The following ZNF667 variants were observed in gnomAD, a reference collection of about 807,000 sequenced individuals.
The protein encoded by ZNF667 is zinc finger protein 667, also known as myocardial ischemic preconditioning upregulated 1 ortholog.
A neutral mutation model predicts 31.8 loss-of-function variants in ZNF667; 13 were observed. The ratio of observed to expected loss-of-function variants is 0.41; its 90% CI spans 0.27 to 0.65. The LOEUF (loss-of-function observed/expected upper bound fraction) is 0.65. Among genes scored for constraint, ZNF667 ranks in the 30% least tolerant of loss-of-function variants. The pLI is 0.32. For synonymous variants in ZNF667, 228 were observed against 247.1 expected, an observed-to-expected ratio of 0.92 and a Z score of 0.73; for missense variants, 642 against 725.6, an observed-to-expected ratio of 0.88 and a Z score of 1.32.
chr19:56,463,474 T>C (rs2043094348), intron 3 of ZNF667, among the ~76,000 whole-genome samples: 1 of 152,166 alleles, frequency 6.6e-6, no homozygotes, highest in Non-Finnish European at 1.5e-5. Flanking sequence ...ACTAGCCACA[T>C]ATGAAAACTG....
intron 3 of ZNF667, chr19:56,469,871 T>C (rs749548231): frequency 2.2e-6 from 1 of 462,708 alleles, no homozygotes; most frequent in South Asian, 1.5e-5. Flanking sequence ...GTAATAAATA[T>C]TAACTTTCTT....
chr19:56,460,606 G>T, intron 5 of ZNF667, 83 bp downstream of exon 5: 2 of 1,444,672 alleles, frequency 1.4e-6, no homozygotes, highest in Non-Finnish European at 9.2e-7. Context: ...AACTGCAGTG[G>T]CTTCCATTTT....
rs760238465 is a variant in ZNF667, at chr19:56,458,253, C to T, written c.161-6G>A. ...TGGTCTCCGAAAGGAAAGACCTGTA[C>T]GTGGGACAAACATGGGAAATGATCA... On this transcript the variant is annotated splice_region_variant and splice_polypyrimidine_tract_variant and intron_variant, in intron 5 of 6. Coordinates refer to ENST00000504904, the MANE Select transcript of ZNF667 (RefSeq NM_001321356.2). 5.6e-6 allele frequency: 9 copies of T among 1,613,200 alleles called. No individual in the cohort carries two copies. The highest frequency in any genetic ancestry group is 2.2e-5 in the East Asian group (1 of 44,866).
At chr19:56,472,971 A>T (rs539431671) in intron 2 of ZNF667, 13 of 152,334 alleles carry the variant, frequency 8.5e-5, no homozygotes, top group African/African-American at 3.1e-4. Context: ...GGAGGAGATA[A>T]ATTGGTGTAA....
intron 5 of ZNF667, among the ~76,000 whole-genome samples, chr19:56,460,325 T>C (rs1049099104): frequency 2.0e-4 from 30 of 152,302 alleles, no homozygotes; most frequent in Middle Eastern, 6.8e-3. Context: ...TATGATTTCA[T>C]ATGTATGAAA....
At chr19:56,450,623 G>A (rs1171413793) in intron 6 of ZNF667, among the ~76,000 whole-genome samples, 1 of 152,030 alleles carries the variant, frequency 6.6e-6, no homozygotes, top group Non-Finnish European at 1.5e-5. Flanking sequence ...TCTTAAGTAG[G>A]AAGACTAAAA....
rs1201822662 is a variant in ZNF667 at position 56,452,761 on chromosome 19, AATACAAAAATTAGCC to A, written c.253+5379_253+5393del. Among the ~76,000 whole-genome samples the A allele has an allele frequency of 2.6e-5, 4 of 152,066 alleles. No individual in the cohort carries two copies. In the South Asian group the frequency reaches 8.3e-4, roughly 31 times the overall value. ...ATGGTGAAACCCCATCTCTACTAAAAATACAAAAATTAGCCAGGCGTGGTGGCGGACGCTTGTAAT... is the reference window on the plus strand; with the variant it reads ...ATGGTGAAACCCCATCTCTACTAAAAAGGCGTGGTGGCGGACGCTTGTAAT... On this transcript the variant is annotated intron_variant, in intron 6 of 6. Transcript: ENST00000504904.
At chr19:56,446,990 C>T (rs1246160392) in intron 6 of ZNF667, among the ~76,000 whole-genome samples, 1 of 152,106 alleles carries the variant, frequency 6.6e-6, no homozygotes, top group Non-Finnish European at 1.5e-5. Flanking sequence ...CCTTAAACCA[C>T]ACCAGACACC....
intron 6 of ZNF667, among the ~76,000 whole-genome samples, chr19:56,447,600 C>A (rs953930305): frequency 2.0e-5 from 3 of 151,748 alleles, no homozygotes; most frequent in South Asian, 2.1e-4. Flanking sequence ...TAAAAAAAAA[C>A]AAACAAACAT....
At position 56,441,533 on chromosome 19, in the gene ZNF667, G is replaced by A. The variant is rs897189843; in HGVS notation, c.1462C>T (p.Arg488Ter). 6.8e-6 allele frequency: 11 copies of A among 1,614,146 alleles called. No homozygotes were observed. Among genetic ancestry groups the A allele is most frequent in the Middle Eastern group, 1.6e-4 (1 of 6,062 alleles). ...KAFSHRISLT[R>*]HKRIHTEDRP... is the part of the protein sequence containing the mutation. Reference sequence around the variant, plus strand: ...TCTTCAGTATGAATTCTCTTATGTCGTGTGAGAGATATTCGGTGGCTGAAG... The same window carrying A: ...TCTTCAGTATGAATTCTCTTATGTCATGTGAGAGATATTCGGTGGCTGAAG... Residue 488 changes from arginine to a stop codon, truncating the protein, a stop_gained, in exon 7 of 7, where the codon CGA becomes TGA. Transcript: ENST00000504904. LOFTEE classifies it high-confidence loss of function. This position sits in a 1 kb window ranked among gnomAD's most constrained non-coding sequence, Gnocchi z 4.2.
At chr19:56,451,780 T>C (rs941325233) in intron 6 of ZNF667, among the ~76,000 whole-genome samples, 1 of 148,050 alleles carries the variant, frequency 6.8e-6, no homozygotes, top group African/African-American at 2.5e-5. Flanking sequence ...AAGGTGGGAA[T>C]ATTGCTTGAG....
intron 3 of ZNF667, among the ~76,000 whole-genome samples, chr19:56,467,409 T>C (rs1246117373): frequency 2.0e-5 from 3 of 152,226 alleles, no homozygotes; most frequent in African/African-American, 7.2e-5. Flanking sequence ...ATTTTTCCTC[T>C]GCTGTCACAC....
chr19:56,464,019 A>G (rs2043107432), intron 3 of ZNF667, among the ~76,000 whole-genome samples: 1 of 152,196 alleles, frequency 6.6e-6, no homozygotes. Context: ...AGGTTTTAGG[A>G]AATTAAGTAC....
At chr19:56,448,539 C>G (rs1405710124) in intron 6 of ZNF667, among the ~76,000 whole-genome samples, 1 of 152,084 alleles carries the variant, frequency 6.6e-6, no homozygotes, top group Non-Finnish European at 1.5e-5. Flanking sequence ...TTTGTATCAA[C>G]TCTCTCCCAA....
chr19:56,457,302 C>CA, intron 6 of ZNF667, among the ~76,000 whole-genome samples: 1 of 152,160 alleles, frequency 6.6e-6, no homozygotes, highest in East Asian at 1.9e-4. Context: ...GGGCAGTCTA[C>CA]ACCTTCTCTG....
chr19:56,458,254 G>C lies in ZNF667; in HGVS notation c.161-7C>G, dbSNP rs374335485. 4 of 1,613,034 alleles carry C rather than the reference G, an allele frequency of 2.5e-6. No homozygotes were observed. The highest frequency in any genetic ancestry group is 1.7e-5 in the Admixed American group (1 of 60,010). On this transcript the variant is annotated splice_region_variant and splice_polypyrimidine_tract_variant and intron_variant, in intron 5 of 6. Transcript: ENST00000504904. ...GGTCTCCGAAAGGAAAGACCTGTAC[G>C]TGGGACAAACATGGGAAATGATCAT...
chr19:56,469,237 C>T (rs1226563054), intron 3 of ZNF667, among the ~76,000 whole-genome samples: 1 of 152,214 alleles, frequency 6.6e-6, no homozygotes, highest in African/African-American at 2.4e-5. Flanking sequence ...TGCACACGTG[C>T]ACACACACCC....
chr19:56,461,394 T>C (rs1215358331), intron 4 of ZNF667, among the ~76,000 whole-genome samples: 1 of 152,216 alleles, frequency 6.6e-6, no homozygotes, highest in Admixed American at 6.5e-5. Context: ...ACCTGGCCAG[T>C]TGGTTATTGG....
chr19:56,460,849 G>C, intron 4 of ZNF667, 34 bp from the exon 5 acceptor site: 2 of 1,541,840 alleles, frequency 1.3e-6, no homozygotes, highest in Non-Finnish European at 1.7e-6. Context: ...ATTCACCATG[G>C]ACTTGTGCTT....
Sources: allele counts gnomAD v4.1 joint callset (sites outside exome capture counted in the v4.1 genomes callset), GRCh38; gene constraint gnomAD v4.1.1; non-coding constraint Gnocchi (gnomAD v3.1); transcripts MANE v1.5; gene names NCBI Gene and HGNC (gene_info 2026-07-23, HGNC 2026-07-21).